HRH1: variants seen among roughly 807,000 people sequenced by gnomAD.
HRH1 encodes the protein histamine H1 receptor.
In HRH1, 6 loss-of-function variants were observed where a neutral mutation model predicts 10.3. The observed-to-expected ratio is 0.58, with a 90% CI of 0.32 to 1.15. The LOEUF (loss-of-function observed/expected upper bound fraction) is 1.15, where lower values mean the gene tolerates loss of function less well. Among genes scored for constraint, HRH1 ranks in the 50% most tolerant of loss-of-function variants. The pLI is 0.05. For missense variants in HRH1, 514 were observed against 615.3 expected (o/e 0.84, Z 1.74); for synonymous variants, 242 against 236.7 (o/e 1.02, Z -0.21).
At chr3:11,212,130 G>A (rs1185719767) in intron 1 of HRH1, among the ~76,000 whole-genome samples, 1 of 152,128 alleles carries the variant, frequency 6.6e-6, no homozygotes, top group East Asian at 1.9e-4. Context: ...CACCTCCCCA[G>A]ATATGATATC....
intron 1 of HRH1, among the ~76,000 whole-genome samples, chr3:11,172,242 A>C (rs1279745241): frequency 1.3e-5 from 2 of 152,300 alleles, no homozygotes; most frequent in Admixed American, 6.5e-5. Flanking sequence ...GCGGTGAGGG[A>C]GTGGCAATGA....
chr3:11,200,745 A>T (rs1300462387), intron 1 of HRH1, among the ~76,000 whole-genome samples: 1 of 152,202 alleles, frequency 6.6e-6, no homozygotes, highest in Admixed American at 6.5e-5. Flanking sequence ...TTACGCAGAA[A>T]GTCATTTCCC....
rs533420190 is a variant in HRH1 at position 11,180,333 on chromosome 3, G to A, written c.-36+25779G>A. ...ATTTTTCCACGGACGGGGGTTGAAG[G>A]GGATGGTTTGAGGATGAAACTGTGC... is the stretch of plus-strand genomic sequence containing the variant. On this transcript the variant is annotated intron_variant, in intron 1 of 1. Coordinates refer to ENST00000431010, the MANE Select transcript of HRH1 (RefSeq NM_001098212.2). 2.0e-5 allele frequency among the ~76,000 whole-genome samples: 3 copies of A among 152,236 alleles called. No homozygotes were observed. The South Asian group carries it at 6.2e-4, about 32-fold the overall frequency.
chr3:11,205,906 C>T (rs373358399), intron 1 of HRH1, among the ~76,000 whole-genome samples: 12 of 152,214 alleles, frequency 7.9e-5, no homozygotes, highest in African/African-American at 1.7e-4. Context: ...GTGATCCGCC[C>T]GCCGCGGCCT....
At chr3:11,201,682 G>T (rs1319450240) in intron 1 of HRH1, among the ~76,000 whole-genome samples, 1 of 152,150 alleles carries the variant, frequency 6.6e-6, no homozygotes, top group African/African-American at 2.4e-5. Flanking sequence ...GAAAATTCCA[G>T]GTGTCACCAG....
intron 1 of HRH1, among the ~76,000 whole-genome samples, chr3:11,144,414 TA>T (rs747784195): frequency 1.3e-4 from 20 of 150,308 alleles, no homozygotes; most frequent in Non-Finnish European, 2.2e-4. Context: ...GACATACATC[TA>T]TAGGTATATA....
In HRH1 at chr3:11,257,495, G is replaced by A. The variant is rs1202405412; in HGVS notation, c.-35-1508G>A. Among the ~76,000 whole-genome samples, 2 of 151,372 alleles carry A rather than the reference G, an allele frequency of 1.3e-5. 1 individual carries two copies. Among genetic ancestry groups the A allele is most frequent in the Non-Finnish European group, 2.9e-5 (2 of 67,910 alleles). On this transcript the variant is annotated intron_variant, in intron 1 of 1. Transcript: ENST00000431010. The stretch of plus-strand genomic sequence containing the variant: ...GAATCACTTGAATTTGGGAGCTGGA[G>A]ATTGTAGTGAGCCAAGATGGTGCCA...
intron 1 of HRH1, among the ~76,000 whole-genome samples, chr3:11,158,281 C>A (rs568281807): frequency 6.6e-6 from 1 of 152,234 alleles, no homozygotes; most frequent in East Asian, 1.9e-4. Context: ...CAACAAGGGA[C>A]AAAAATACTA....
At chr3:11,209,813 G>T (rs1467318007) in intron 1 of HRH1, among the ~76,000 whole-genome samples, 1 of 152,224 alleles carries the variant, frequency 6.6e-6, no homozygotes, top group East Asian at 1.9e-4. Flanking sequence ...GGAGGGAGCT[G>T]AGGCTCAGCT....
rs550578391 is a variant in HRH1, at chr3:11,259,946, T to G, written c.909T>G (p.Phe303Leu). Residue 303 changes from phenylalanine to leucine, a missense_variant, in exon 2 of 2, where the codon TTT becomes TTG. Phe to Leu is a conservative substitution (Grantham distance 22). Coordinates refer to ENST00000431010, the MANE Select transcript of HRH1 (RefSeq NM_001098212.2). This position sits in a 1 kb window ranked among gnomAD's most constrained non-coding sequence, Gnocchi z 4.6. ...GAGAAGTAGACAAACTCTACTGCTT[T>G]CCACTTGATATTGTGCACATGCAGG... ...DDREVDKLYC[F>L]PLDIVHMQAA... is the part of the protein sequence containing the mutation. 5.0e-6 allele frequency: 8 copies of G among 1,614,036 alleles called. No individual in the cohort carries two copies. The African/African-American group carries it at 8.0e-5, about 16-fold the overall frequency.
intron 1 of HRH1, among the ~76,000 whole-genome samples, chr3:11,191,975 C>T (rs1937542123): frequency 6.6e-6 from 1 of 152,128 alleles, no homozygotes; most frequent in Admixed American, 6.6e-5. Context: ...AAAAGAGGCC[C>T]ATGGGTTTAA....
intron 1 of HRH1, among the ~76,000 whole-genome samples, chr3:11,241,970 A>G (rs1487618919): frequency 3.3e-5 from 5 of 152,174 alleles, no homozygotes; most frequent in Non-Finnish European, 5.9e-5. Context: ...AGTCAGCAGG[A>G]GTCTAAAAGT....
intron 1 of HRH1, among the ~76,000 whole-genome samples, chr3:11,202,434 A>ATAAATAAT (rs1314713595): frequency 2.0e-4 from 29 of 148,416 alleles, no homozygotes; most frequent in East Asian, 1.2e-3. Context: ...AAATAAATAA[A>ATAAATAAT]TAATTAATTA....
In HRH1 at chr3:11,260,281, A is replaced by G. The variant is rs764345719; in HGVS notation, c.1244A>G (p.Lys415Arg). ...LHMNRERKAA[K>R]QLGFIMAAFI... ...ATGAACCGCGAAAGGAAGGCCGCCAAACAGTTGGGTTTTATCATGGCAGCC... is the reference window on the plus strand; with the variant it reads ...ATGAACCGCGAAAGGAAGGCCGCCAGACAGTTGGGTTTTATCATGGCAGCC... Residue 415 changes from lysine to arginine, a missense_variant, in exon 2 of 2, where the codon AAA (lysine) becomes AGA (arginine). Coordinates refer to ENST00000431010, the MANE Select transcript of HRH1 (RefSeq NM_001098212.2). 6.2e-7 allele frequency: 1 copy of G among 1,614,198 alleles called. No individual in the cohort carries two copies. Among genetic ancestry groups the G allele is most frequent in the Non-Finnish European group, 8.5e-7 (1 of 1,180,022 alleles).
At chr3:11,202,545 G>A (rs1307150579) in intron 1 of HRH1, among the ~76,000 whole-genome samples, 1 of 152,010 alleles carries the variant, frequency 6.6e-6, no homozygotes, top group Admixed American at 6.6e-5. Context: ...TTGACCTCCT[G>A]GCCCCCACCC....
chr3:11,144,429 A>ATAGACG lies in HRH1; in HGVS notation c.-36+7032_-36+7033insGACGTA, dbSNP rs1559249719. Among the ~76,000 whole-genome samples, 297 of 44,394 alleles carry ATAGACG rather than the reference A, an allele frequency of 6.7e-3. 20 individuals carry two copies. Among genetic ancestry groups the ATAGACG allele is most frequent in the Middle Eastern group, 0.013 (1 of 80 alleles). The allele number at this position is 44,394 out of a possible 152,430, so 29.1% of individuals were successfully genotyped here. ...GACATACATCTATAGGTATATATAC[A>ATAGACG]TATAGACATATAGACATACGTCTAT... On this transcript the variant is annotated intron_variant, in intron 1 of 1. Transcript: ENST00000438284.
At chr3:11,197,088 G>A (rs1246679267) in intron 1 of HRH1, among the ~76,000 whole-genome samples, 1 of 146,698 alleles carries the variant, frequency 6.8e-6, no homozygotes, top group Non-Finnish European at 1.5e-5. Flanking sequence ...TCGCGCCACT[G>A]CACTCTAGCC....
chr3:11,137,660 G>C (rs1936209281), intron 1 of HRH1, among the ~76,000 whole-genome samples: 2 of 152,252 alleles, frequency 1.3e-5, no homozygotes, highest in East Asian at 3.9e-4. Flanking sequence ...AGTCCAGTCA[G>C]CCCCCAGTGT....
At chr3:11,170,008 C>T (rs546900779) in intron 1 of HRH1, among the ~76,000 whole-genome samples, 60 of 152,308 alleles carry the variant, frequency 3.9e-4, no homozygotes, top group African/African-American at 1.4e-3. Context: ...GCCCACCTCC[C>T]TCGCTAGGAA....
Sources: allele counts gnomAD v4.1 joint callset (sites outside exome capture counted in the v4.1 genomes callset), GRCh38; gene constraint gnomAD v4.1.1; non-coding constraint Gnocchi (gnomAD v3.1); transcripts MANE v1.5; gene names NCBI Gene and HGNC (gene_info 2026-07-23, HGNC 2026-07-21).